Variants in ZNF821 observed in about 807,000 individuals in gnomAD.
ZNF821 encodes zinc finger protein 821.
ZNF821 carries 16 observed loss-of-function variants against 44.3 expected under a neutral mutation model. That is an observed-to-expected ratio of 0.36 (90% CI 0.24 to 0.55). The LOEUF (loss-of-function observed/expected upper bound fraction) is 0.55, where lower values mean the gene tolerates loss of function less well. ZNF821 is among the 20% of genes least tolerant of loss of function. The pLI, the probability that ZNF821 is intolerant of heterozygous loss-of-function variation, is 0.86. For synonymous variants in ZNF821, 204 were observed against 197.6 expected (o/e 1.03, Z -0.27); for missense variants, 436 against 547.6 (o/e 0.80, Z 2.03).
rs1278915459 is a variant in ZNF821, at chr16:71,869,255, G to T, written c.41-1218C>A. Among the ~76,000 whole-genome samples, 3 of 152,152 alleles carry T rather than the reference G, an allele frequency of 2.0e-5. No homozygotes were observed. In the East Asian group the frequency reaches 5.8e-4, roughly 29 times the overall value. On this transcript the variant is annotated intron_variant, in intron 3 of 7. Transcript: ENST00000425432. ...AATAGCCAGGCCCTTTCCTGCTGAA[G>T]ATAGAAAGGAAAGTACGCAGGCATA...
intron 3 of ZNF821, among the ~76,000 whole-genome samples, chr16:71,871,344 T>C (rs2035172904): frequency 6.6e-6 from 1 of 152,212 alleles, no homozygotes; most frequent in South Asian, 2.1e-4. Flanking sequence ...CTATTTTAAA[T>C]ATCACCATAA....
intron 4 of ZNF821, 29 bp from the exon 5 acceptor site, chr16:71,865,077 T>C: frequency 6.2e-7 from 1 of 1,613,984 alleles, no homozygotes; most frequent in Non-Finnish European, 8.5e-7. Flanking sequence ...TCACTTGTTC[T>C]GATTTTTGCA....
intron 3 of ZNF821, 49 bp from the exon 4 acceptor site, chr16:71,868,086 C>T (rs1416160896): frequency 6.6e-7 from 1 of 1,516,732 alleles, no homozygotes; most frequent in Non-Finnish European, 8.8e-7. Flanking sequence ...GGCAGCATAT[C>T]CCCAGGCAAG....
At chr16:71,892,040 G>T (rs1417154033) in intron 1 of ZNF821, among the ~76,000 whole-genome samples, 2 of 145,698 alleles carry the variant, frequency 1.4e-5, no homozygotes, top group African/African-American at 5.0e-5. Context: ...ACTTGGTGGT[G>T]GATGCCTGTA....
intron 2 of ZNF821, chr16:71,880,330 G>C (rs1328599483): frequency 6.1e-6 from 1 of 164,582 alleles, no homozygotes; most frequent in African/African-American, 2.4e-5. Context: ...TAAAACTCAG[G>C]CATCCAGGGT....
In ZNF821 at chr16:71,860,763, G is replaced by A; in HGVS notation, c.585-91C>T. On this transcript the variant is annotated intron_variant, in intron 7 of 7. Transcript: ENST00000425432. The surrounding 1 kb of genome is among the most constrained non-coding windows in gnomAD (Gnocchi z 7.3). ...CTTATTCTTTTCCTATGAGGCCAGTGGCTCCACGCTCACCACAAGGGGTCA... is the reference window on the plus strand; with the variant it reads ...CTTATTCTTTTCCTATGAGGCCAGTAGCTCCACGCTCACCACAAGGGGTCA... The A allele has an allele frequency of 7.6e-7, 1 of 1,324,356 alleles. No homozygotes were observed. The highest frequency in any genetic ancestry group is 1.0e-6 in the Non-Finnish European group (1 of 976,078). The allele number at this position is 1,324,356 out of a possible 1,614,324, so 82.0% of individuals were successfully genotyped here.
intron 3 of ZNF821, among the ~76,000 whole-genome samples, chr16:71,871,204 G>A (rs938388578): frequency 3.3e-5 from 5 of 152,298 alleles, no homozygotes; most frequent in African/African-American, 9.6e-5. Flanking sequence ...CTCACCTGGT[G>A]TAACCGGGAG....
chr16:71,865,750 T>C (rs777243912), intron 4 of ZNF821, among the ~76,000 whole-genome samples: 4 of 152,242 alleles, frequency 2.6e-5, no homozygotes, highest in Non-Finnish European at 5.9e-5. Flanking sequence ...ATTGTTTCTG[T>C]TGATTATTTG....
intron 3 of ZNF821, among the ~76,000 whole-genome samples, chr16:71,876,226 C>T (rs934246011): frequency 8.5e-5 from 13 of 152,116 alleles, no homozygotes; most frequent in African/African-American, 2.6e-4. Flanking sequence ...TTTTTTGAGA[C>T]GGGGTCTTGC....
At chr16:71,870,798 T>C (rs1167850828) in intron 3 of ZNF821, among the ~76,000 whole-genome samples, 1 of 152,140 alleles carries the variant, frequency 6.6e-6, no homozygotes, top group Non-Finnish European at 1.5e-5. Flanking sequence ...ACTGTAATAG[T>C]TATTGAATTC....
intron 3 of ZNF821, among the ~76,000 whole-genome samples, chr16:71,879,472 A>G (rs1318858256): frequency 1.3e-5 from 2 of 152,064 alleles, no homozygotes; most frequent in Non-Finnish European, 2.9e-5. Context: ...GAACTTCTCT[A>G]GTACATACAG....
In ZNF821 at chr16:71,859,939, A is replaced by G; in HGVS notation, c.*79T>C. The stretch of plus-strand genomic sequence containing the variant: ...GCAAGGACAGGGCCTCGTGGGTGGC[A>G]GCAGCACTGGTCCTCGTGGCTGTGG... On this transcript the variant is annotated 3_prime_UTR_variant, in exon 8 of 8. Transcript: ENST00000425432. 2 of 1,414,672 alleles carry G rather than the reference A, an allele frequency of 1.4e-6. No individual in the cohort carries two copies. Among genetic ancestry groups the G allele is most frequent in the East Asian group, 5.1e-5 (2 of 39,266 alleles). The allele number at this position is 1,414,672 out of a possible 1,614,324, so 87.6% of individuals were successfully genotyped here.
At chr16:71,879,375 C>T (rs532107766) in intron 3 of ZNF821, among the ~76,000 whole-genome samples, 2 of 152,052 alleles carry the variant, frequency 1.3e-5, no homozygotes, top group Admixed American at 6.6e-5. Context: ...CTCTAAGGCC[C>T]AGTTCAGGCG....
chr16:71,878,457 A>G (rs931290489), intron 3 of ZNF821, among the ~76,000 whole-genome samples: 5 of 152,092 alleles, frequency 3.3e-5, no homozygotes, highest in Non-Finnish European at 7.4e-5. Context: ...GGGAACGATT[A>G]TCTTCCCAGA....
At chr16:71,883,042 T>C in intron 2 of ZNF821, 169 bp downstream of exon 2, 1 of 448,856 alleles carries the variant, frequency 2.2e-6, no homozygotes, top group South Asian at 1.6e-5. Flanking sequence ...CAGTTCTGTC[T>C]GTCTTCAGAG....
chr16:71,877,982 T>TA (rs1425764609), intron 3 of ZNF821, among the ~76,000 whole-genome samples: 1 of 147,352 alleles, frequency 6.8e-6, no homozygotes, highest in Non-Finnish European at 1.5e-5. Context: ...TGTATATATA[T>TA]TTTATATATA....
intron 3 of ZNF821, among the ~76,000 whole-genome samples, chr16:71,875,950 G>A (rs2035766923): frequency 6.6e-6 from 1 of 152,186 alleles, no homozygotes; most frequent in Admixed American, 6.5e-5. Context: ...TGACTATGGT[G>A]CAGGGAGATG....
chr16:71,893,722 G>A (rs1008523968), intron 1 of ZNF821, among the ~76,000 whole-genome samples: 7 of 151,700 alleles, frequency 4.6e-5, no homozygotes, highest in African/African-American at 1.7e-4. Context: ...GCCACCCAAA[G>A]TGCTGAGATT....
intron 3 of ZNF821, among the ~76,000 whole-genome samples, chr16:71,868,616 A>G (rs368198351): frequency 6.6e-6 from 1 of 152,218 alleles, no homozygotes; most frequent in East Asian, 1.9e-4. Flanking sequence ...TAGCCATGAG[A>G]AAATTAACAA....
Sources: allele counts gnomAD v4.1 joint callset (sites outside exome capture counted in the v4.1 genomes callset), GRCh38; gene constraint gnomAD v4.1.1; non-coding constraint Gnocchi (gnomAD v3.1); transcripts MANE v1.5; gene names NCBI Gene and HGNC (gene_info 2026-07-23, HGNC 2026-07-21).